C3orf85: variants seen among roughly 807,000 people sequenced by gnomAD.
The protein encoded by C3orf85 is uncharacterized protein C3orf85.
C3orf85 carries 1 observed loss-of-function variant against 1.7 expected under a neutral mutation model. The ratio of observed to expected loss-of-function variants is 0.60; its 90% confidence interval spans 0.21 to 2.86. The LOEUF is 2.86. C3orf85 is among the 30% of genes most tolerant of loss of function. The pLI, the probability that C3orf85 is intolerant of heterozygous loss-of-function variation, is 0.22. For synonymous variants in C3orf85, 17 were observed against 8.0 expected, an observed-to-expected ratio of 2.13 and a Z score of -1.90; for missense variants, 29 against 21.3, an observed-to-expected ratio of 1.36 and a Z score of -0.72.
Position 109,151,368 on chromosome 3 carries a change from A to G in C3orf85, c.*1474A>G, listed in dbSNP as rs559534054. Among the ~76,000 whole-genome samples the G allele has an allele frequency of 1.3e-5, 2 of 152,324 alleles. No individual in the cohort carries two copies. Among genetic ancestry groups the G allele is most frequent in the South Asian group, 2.1e-4 (1 of 4,832 alleles). Reference sequence around the variant, plus strand: ...ATATAGAGATGCTCCTCAACATACGATGGCGTTACATCCCAATAAACCCGT... The same window carrying G: ...ATATAGAGATGCTCCTCAACATACGGTGGCGTTACATCCCAATAAACCCGT... On this transcript the variant is annotated 3_prime_UTR_variant, in exon 4 of 4. Coordinates refer to ENST00000622536, the MANE Select transcript of C3orf85 (RefSeq NM_001351622.2).
At chr3:109,140,493 C>T (rs940314647) in intron 2 of C3orf85, among the ~76,000 whole-genome samples, 1 of 152,146 alleles carries the variant, frequency 6.6e-6, no homozygotes, top group Non-Finnish European at 1.5e-5. Context: ...TCTCCTGGGA[C>T]CCCTTTATAC....
Position 109,151,222 on chromosome 3 carries a change from T to C in C3orf85, c.*1328T>C, listed in dbSNP as rs1253159293. Among the ~76,000 whole-genome samples, 1 of 152,332 alleles carries C rather than the reference T, an allele frequency of 6.6e-6. No homozygotes were observed. Among genetic ancestry groups the C allele is most frequent in the East Asian group, 1.9e-4 (1 of 5,190 alleles). Reference sequence around the variant, plus strand: ...AGATTGTACATAAATATATCTTCAGTGTTTTACCAATAATATACATTTTAC... The same window carrying C: ...AGATTGTACATAAATATATCTTCAGCGTTTTACCAATAATATACATTTTAC... On this transcript the variant is annotated 3_prime_UTR_variant, in exon 4 of 4. Transcript: ENST00000622536.
At chr3:109,142,397 A>T (rs1706751006) in intron 2 of C3orf85, among the ~76,000 whole-genome samples, 1 of 152,178 alleles carries the variant, frequency 6.6e-6, no homozygotes, top group South Asian at 2.1e-4. Flanking sequence ...TAAGTGCTTT[A>T]CTTTCACCAT....
chr3:109,150,321 T>C lies in C3orf85; in HGVS notation c.*427T>C, dbSNP rs1381605353. Reference sequence around the variant, plus strand: ...ATGGAGCTGATCCTCTTCTCTCTTCTTCAGTGCTTGTCGCATTCTTAAGTC... The same window carrying C: ...ATGGAGCTGATCCTCTTCTCTCTTCCTCAGTGCTTGTCGCATTCTTAAGTC... On this transcript the variant is annotated 3_prime_UTR_variant, in exon 4 of 4. Coordinates refer to ENST00000622536, the MANE Select transcript of C3orf85 (RefSeq NM_001351622.2). 6.6e-6 allele frequency: 1 copy of C among 152,472 alleles called. No homozygotes were observed. Among genetic ancestry groups the C allele is most frequent in the Non-Finnish European group, 1.5e-5 (1 of 68,236 alleles). 9.4% of individuals were successfully genotyped at this position (152,472 alleles called of 1,614,324 possible).
intron 2 of C3orf85, among the ~76,000 whole-genome samples, chr3:109,143,364 G>T (rs1162124235): frequency 6.6e-6 from 1 of 152,008 alleles, no homozygotes; most frequent in Non-Finnish European, 1.5e-5. Flanking sequence ...GCTTTCTGTG[G>T]GTGCTAGTAA....
At chr3:109,149,204 C>T (rs1706837881) in intron 3 of C3orf85, 1 of 152,012 alleles carries the variant, frequency 6.6e-6, no homozygotes, top group Admixed American at 6.6e-5. Flanking sequence ...TTCCACATAT[C>T]TCAGGATCTG....
chr3:109,144,733 T>A (rs1433694183), intron 2 of C3orf85, among the ~76,000 whole-genome samples: 1 of 152,202 alleles, frequency 6.6e-6, no homozygotes, highest in African/African-American at 2.4e-5. Context: ...TTTAGATAAT[T>A]CCAAGTAACA....
Position 109,148,234 on chromosome 3 carries a change from C to T in C3orf85, c.50-19C>T. On this transcript the variant is annotated intron_variant, in intron 2 of 3. Transcript: ENST00000622536. ...CTATTGCTCTAAAAGATGCTGTGCT[C>T]TTGGACTCTAAATTGCAGGAGCATT... is the stretch of plus-strand genomic sequence containing the variant. The T allele has an allele frequency of 1.4e-6, 1 of 700,080 alleles. No individual in the cohort carries two copies. The highest frequency in any genetic ancestry group is 1.5e-5 in the South Asian group (1 of 67,216). The allele number at this position is 700,080 out of a possible 1,614,324, so 43.4% of individuals were successfully genotyped here.
chr3:109,146,081 T>C (rs12490813), intron 2 of C3orf85, among the ~76,000 whole-genome samples: 71,345 of 152,120 alleles, frequency 0.47, 19,598 homozygotes, highest in East Asian at 0.88. Context: ...CTTCTAATTA[T>C]ATATGAACTC....
At chr3:109,144,082 C>T (rs1275660778) in intron 2 of C3orf85, among the ~76,000 whole-genome samples, 1 of 152,062 alleles carries the variant, frequency 6.6e-6, no homozygotes, top group East Asian at 1.9e-4. Context: ...TTAAGAAAGG[C>T]ATTAACCTGG....
chr3:109,140,554 G>A (rs373646467), intron 2 of C3orf85, among the ~76,000 whole-genome samples: 3 of 152,150 alleles, frequency 2.0e-5, no homozygotes, highest in East Asian at 3.8e-4. Context: ...AGCAGTCTGG[G>A]TGCTGTAGAA....
intron 2 of C3orf85, among the ~76,000 whole-genome samples, chr3:109,140,736 C>A (rs1451237552): frequency 1.3e-5 from 2 of 152,056 alleles, no homozygotes; most frequent in South Asian, 4.1e-4. Context: ...ATAAAAGAAC[C>A]ACCAGCTCCA....
chr3:109,142,912 T>C (rs970853883), intron 2 of C3orf85, among the ~76,000 whole-genome samples: 2 of 152,210 alleles, frequency 1.3e-5, no homozygotes, highest in Non-Finnish European at 2.9e-5. Context: ...AAATGTAGCT[T>C]AGTATAAGTA....
At chr3:109,139,711 G>A (rs907888001) in intron 2 of C3orf85, among the ~76,000 whole-genome samples, 4 of 152,040 alleles carry the variant, frequency 2.6e-5, no homozygotes, top group African/African-American at 7.2e-5. Context: ...ACCCATACAC[G>A]AAACGATTTG....
At position 109,148,290 on chromosome 3, in the gene C3orf85, A is replaced by G. The variant is rs1241285433; in HGVS notation, c.87A>G (p.Ala29=). ...CGCCATTTTTGTTGGAAGACCCTGC[A>G]AACCAGTTCCTACGTCTCAAAAGAC... ...LGAPFLLEDP[A]NQFLRLKRHV... Residue 29 remains alanine (A), a synonymous_variant, in exon 3 of 4, where the codon GCA becomes GCG. Coordinates refer to ENST00000622536, the MANE Select transcript of C3orf85 (RefSeq NM_001351622.2). The G allele has an allele frequency of 2.8e-6, 2 of 702,674 alleles. No individual in the cohort carries two copies. The highest frequency in any genetic ancestry group is 1.5e-5 in the South Asian group (1 of 67,572). 43.5% of individuals were successfully genotyped at this position (702,674 alleles called of 1,614,324 possible).
intron 2 of C3orf85, among the ~76,000 whole-genome samples, chr3:109,145,673 T>G (rs1290915009): frequency 6.6e-6 from 1 of 152,226 alleles, no homozygotes; most frequent in Non-Finnish European, 1.5e-5. Context: ...TTTTAAAAAG[T>G]AAATCTGGTC....
At chr3:109,143,939 T>A (rs1011804411) in intron 2 of C3orf85, among the ~76,000 whole-genome samples, 2 of 152,178 alleles carry the variant, frequency 1.3e-5, no homozygotes, top group East Asian at 3.9e-4. Context: ...GCAGAGGATA[T>A]TTAAGAAATG....
chr3:109,149,729 A>G (rs1477591257), intron 3 of C3orf85, 76 bp from the exon 4 acceptor site: 1 of 396,970 alleles, frequency 2.5e-6, no homozygotes, highest in African/African-American at 2.1e-5. Context: ...GAATATCTGT[A>G]TGATAATCAG....
At chr3:109,139,748 G>A (rs1488169211) in intron 2 of C3orf85, among the ~76,000 whole-genome samples, 1 of 152,162 alleles carries the variant, frequency 6.6e-6, no homozygotes, top group Non-Finnish European at 1.5e-5. Context: ...TTGTTGACCT[G>A]CGATCAGATC....
Sources: gnomAD v4.1 joint callset for allele counts (sites outside exome capture counted in the v4.1 genomes callset) on GRCh38, gnomAD v4.1.1 for gene constraint, MANE v1.5 for transcripts, NCBI Gene and HGNC (gene_info 2026-07-23, HGNC 2026-07-21) for gene names.